Variants in CNTN5 observed in about 807,000 individuals in gnomAD.
CNTN5 encodes contactin 5.
In CNTN5, 77 loss-of-function variants were observed where a neutral mutation model predicts 129.1. The ratio of observed to expected loss-of-function variants is 0.60; its 90% CI spans 0.50 to 0.72. CNTN5 has a LOEUF of 0.72. Among genes scored for constraint, CNTN5 ranks in the 30% least tolerant of loss-of-function variants. CNTN5 has a pLI of 0.00. For synonymous variants in CNTN5, 509 were observed against 465.6 expected, an observed-to-expected ratio of 1.09 and a Z score of -1.20; for missense variants, 1,478 against 1,328.8, an observed-to-expected ratio of 1.11 and a Z score of -1.75.
chr11:99,956,833 A>C lies in CNTN5; in HGVS notation c.701A>C (p.Glu234Ala), dbSNP rs761196266. 1.2e-6 allele frequency: 2 copies of C among 1,613,926 alleles called. No homozygotes were observed. The highest frequency in any genetic ancestry group is 2.2e-5 in the South Asian group (2 of 91,084). ...PEIIYSWVFN[E>A]FPSFVAEDSR... ...ATCATCTATAGCTGGGTATTTAATG[A>C]GTTCCCTTCCTTTGTGGCGGAAGAC... is the stretch of plus-strand genomic sequence containing the variant. The change falls in exon 8 of 25, where the codon GAG becomes GCG. Residue 234 changes from glutamate (E) to alanine (A), a missense_variant. By Grantham distance (107) the Glu-to-Ala change is moderately radical. Coordinates refer to ENST00000524871, the MANE Select transcript of CNTN5 (RefSeq NM_014361.4).
chr11:100,326,257 C>T (rs929389579), intron 21 of CNTN5, among the ~76,000 whole-genome samples: 10 of 152,078 alleles, frequency 6.6e-5, no homozygotes, highest in South Asian at 4.2e-4. Context: ...AGATTTGGCT[C>T]ATACATAATA....
At chr11:99,884,199 C>G (rs925883820) in intron 6 of CNTN5, among the ~76,000 whole-genome samples, 3 of 151,418 alleles carry the variant, frequency 2.0e-5, no homozygotes, top group Non-Finnish European at 2.9e-5. Flanking sequence ...TATGAAATAA[C>G]AATCAAACAT....
chr11:99,671,846 C>T (rs2135948170), intron 3 of CNTN5, among the ~76,000 whole-genome samples: 2 of 152,192 alleles, frequency 1.3e-5, no homozygotes, highest in South Asian at 4.2e-4. Flanking sequence ...ATAATACACC[C>T]TCTCCAAGTT....
intron 3 of CNTN5, among the ~76,000 whole-genome samples, chr11:99,685,394 AT>A (rs1953746754): frequency 6.6e-6 from 1 of 151,990 alleles, no homozygotes; most frequent in Admixed American, 6.6e-5. Context: ...TTGTTGAAAT[AT>A]GCTGTTTAAA....
chr11:100,152,426 G>A (rs1027711799), intron 13 of CNTN5, among the ~76,000 whole-genome samples: 2 of 152,044 alleles, frequency 1.3e-5, no homozygotes, highest in African/African-American at 4.8e-5. Flanking sequence ...CAAAGCAAAA[G>A]CAAACAAAAA....
At chr11:100,234,126 T>C (rs888037111) in intron 16 of CNTN5, among the ~76,000 whole-genome samples, 2 of 152,070 alleles carry the variant, frequency 1.3e-5, no homozygotes, top group African/African-American at 4.8e-5. Context: ...ATGGTGGTCA[T>C]TAAAAAGTCA....
At chr11:100,099,891 C>T (rs1945160788) in intron 13 of CNTN5, among the ~76,000 whole-genome samples, 1 of 151,968 alleles carries the variant, frequency 6.6e-6, no homozygotes, top group South Asian at 2.1e-4. Flanking sequence ...CTTCCATATC[C>T]AGTAGGCACT....
At chr11:100,149,068 G>GTTAA (rs1946957068) in intron 13 of CNTN5, among the ~76,000 whole-genome samples, 1 of 152,188 alleles carries the variant, frequency 6.6e-6, no homozygotes. Context: ...TTTTTCAAAA[G>GTTAA]TTAATAGATT....
In CNTN5 at chr11:100,299,407, T is replaced by C; in HGVS notation, c.2620+11T>C. On this transcript the variant is annotated intron_variant, in intron 20 of 24. Coordinates refer to ENST00000524871, the MANE Select transcript of CNTN5 (RefSeq NM_014361.4). Reference sequence around the variant, plus strand: ...GTTCAGCTGAAGGAGGTCAGTTTTTTTATTCCTATTATTTTTATTTAACAT... The same window carrying C: ...GTTCAGCTGAAGGAGGTCAGTTTTTCTATTCCTATTATTTTTATTTAACAT... The C allele has an allele frequency of 6.8e-7, 1 of 1,471,402 alleles. No homozygotes were observed. The highest frequency in any genetic ancestry group is 9.3e-7 in the Non-Finnish European group (1 of 1,070,904). The allele number at this position is 1,471,402 out of a possible 1,614,324, so 91.1% of individuals were successfully genotyped here. A position where few individuals can be genotyped will look rare whatever the true frequency, so the allele number is the denominator to read the frequency against.
chr11:99,587,241 T>C (rs1207435337), intron 3 of CNTN5, among the ~76,000 whole-genome samples: 1 of 152,228 alleles, frequency 6.6e-6, no homozygotes, highest in Non-Finnish European at 1.5e-5. Context: ...TACTCTATAC[T>C]GCACAGGATC....
At chr11:100,177,325 C>T (rs974527545) in intron 13 of CNTN5, among the ~76,000 whole-genome samples, 1 of 152,048 alleles carries the variant, frequency 6.6e-6, no homozygotes, top group African/African-American at 2.4e-5. Context: ...CAAGTAGCTC[C>T]CTGTATTTCC....
At chr11:99,248,113 T>C (rs1348127188) in intron 1 of CNTN5, among the ~76,000 whole-genome samples, 1 of 152,160 alleles carries the variant, frequency 6.6e-6, no homozygotes, top group Non-Finnish European at 1.5e-5. Flanking sequence ...CCACATCTTC[T>C]CCAGCACCTG....
chr11:100,350,806 T>G lies in CNTN5; in HGVS notation c.3135T>G (p.Val1045=), dbSNP rs751876622. 1.2e-6 allele frequency: 2 copies of G among 1,608,168 alleles called. No individual in the cohort carries two copies. Residue 1045 remains valine (V), a synonymous_variant, in exon 24 of 25, where the codon GTT becomes GTG. Coordinates refer to ENST00000524871, the MANE Select transcript of CNTN5 (RefSeq NM_014361.4). ...ATGCTGGAGTCTATATTATTGAAGT[T>G]CGAGCATATAGTGAAGGAGGAGATG... ...LPDAGVYIIE[V]RAYSEGGDGT... is the part of the protein sequence containing the mutation.
Position 99,122,299 on chromosome 11 carries a change from T to C in CNTN5, c.-210+101029T>C, listed in dbSNP as rs192420208. On this transcript the variant is annotated intron_variant, in intron 1 of 24. Transcript: ENST00000524871. ...CAAAAGGAAGATATGTCTAATGGCATATAAAACCATTCAATGAGTACTTCA... is the reference window on the plus strand; with the variant it reads ...CAAAAGGAAGATATGTCTAATGGCACATAAAACCATTCAATGAGTACTTCA... Among the ~76,000 whole-genome samples, 3 of 152,290 alleles carry C rather than the reference T, an allele frequency of 2.0e-5. No homozygotes were observed. In the East Asian group the frequency reaches 5.8e-4, roughly 29 times the overall value.
intron 2 of CNTN5, among the ~76,000 whole-genome samples, chr11:99,474,598 A>T (rs2135287086): frequency 6.6e-6 from 1 of 152,232 alleles, no homozygotes; most frequent in African/African-American, 2.4e-5. Flanking sequence ...TTGAAGGAAA[A>T]ATCAATTTTT....
chr11:100,342,823 TTTG>T (rs1952196701), intron 23 of CNTN5, among the ~76,000 whole-genome samples: 1 of 152,262 alleles, frequency 6.6e-6, no homozygotes, highest in African/African-American at 2.4e-5. Flanking sequence ...AACCTTGCCA[TTTG>T]TTGTTGCTTA....
At chr11:99,759,805 GA>G (rs1035718802) in intron 3 of CNTN5, among the ~76,000 whole-genome samples, 14 of 152,114 alleles carry the variant, frequency 9.2e-5, no homozygotes, top group African/African-American at 3.4e-4. Context: ...TTAAAAGAAA[GA>G]AAACTTAATG....
At chr11:99,614,241 G>C (rs1950686772) in intron 3 of CNTN5, among the ~76,000 whole-genome samples, 1 of 152,134 alleles carries the variant, frequency 6.6e-6, no homozygotes, top group Admixed American at 6.5e-5. Flanking sequence ...TCTATGTGAA[G>C]TATTTTCATT....
chr11:99,072,600 T>C (rs1399506919), intron 1 of CNTN5, among the ~76,000 whole-genome samples: 1 of 152,096 alleles, frequency 6.6e-6, no homozygotes, highest in Non-Finnish European at 1.5e-5. Context: ...GGAATTTGAG[T>C]TCTTCCTCAC....
Sources: allele counts gnomAD v4.1 joint callset (sites outside exome capture counted in the v4.1 genomes callset), GRCh38; gene constraint gnomAD v4.1.1; transcripts MANE v1.5; gene names NCBI Gene and HGNC (gene_info 2026-07-23, HGNC 2026-07-21).